Variants in NALF1 observed in about 807,000 individuals in gnomAD.
NALF1 encodes the protein family with sequence similarity 155 member A.
In NALF1, 3 loss-of-function variants were observed where a neutral mutation model predicts 48.4. The observed-to-expected ratio is 0.06, with a 90% CI of 0.03 to 0.16. The LOEUF (loss-of-function observed/expected upper bound fraction) is 0.16, where lower values mean the gene tolerates loss of function less well. Ranked by LOEUF, NALF1 falls within the 10% of genes least tolerant of loss-of-function variation. The probability of loss-of-function intolerance (pLI) is 1.00; values close to 1 mark genes in which losing one functional copy is unlikely to be tolerated. For missense variants in NALF1, 526 were observed against 571.5 expected (o/e 0.92, Z 0.81); for synonymous variants, 262 against 245.7 (o/e 1.07, Z -0.62).
intron 1 of NALF1, among the ~76,000 whole-genome samples, chr13:107,756,169 AT>A (rs1877087612): frequency 2.0e-5 from 3 of 152,210 alleles, no homozygotes; most frequent in Non-Finnish European, 4.4e-5. Flanking sequence ...ATACTAAATT[AT>A]TATTTCTACA....
chr13:107,822,274 T>C (rs745702332), intron 1 of NALF1, among the ~76,000 whole-genome samples: 1 of 151,598 alleles, frequency 6.6e-6, no homozygotes, highest in Non-Finnish European at 1.5e-5. Flanking sequence ...AGCTACACCA[T>C]CCCTCCAACC....
chr13:107,255,335 C>G (rs779897467), intron 1 of NALF1, among the ~76,000 whole-genome samples: 1 of 152,156 alleles, frequency 6.6e-6, no homozygotes, highest in Non-Finnish European at 1.5e-5. Context: ...CTATTCATCT[C>G]TTTATGTTTT....
chr13:107,408,201 C>T (rs999144602), intron 1 of NALF1, among the ~76,000 whole-genome samples: 2 of 151,780 alleles, frequency 1.3e-5, no homozygotes, highest in African/African-American at 4.8e-5. Context: ...CTAGTATTTG[C>T]TAACGTAACA....
At chr13:107,486,846 G>A (rs1195819554) in intron 1 of NALF1, among the ~76,000 whole-genome samples, 1 of 151,984 alleles carries the variant, frequency 6.6e-6, no homozygotes, top group Non-Finnish European at 1.5e-5. Flanking sequence ...ATTCATGGAG[G>A]TAAACTTTTT....
At chr13:107,188,830 A>C (rs1362909006) in intron 2 of NALF1, among the ~76,000 whole-genome samples, 1 of 152,208 alleles carries the variant, frequency 6.6e-6, no homozygotes, top group African/African-American at 2.4e-5. Context: ...GAGTTATTAG[A>C]GGATGCTGCA....
chr13:107,819,678 G>A (rs1879297299), intron 1 of NALF1, among the ~76,000 whole-genome samples: 2 of 112,626 alleles, frequency 1.8e-5, no homozygotes, highest in South Asian at 5.9e-4. Flanking sequence ...GTCTCCAGCT[G>A]GAAATTCTCT....
chr13:107,786,219 C>T (rs1418860494), intron 1 of NALF1, among the ~76,000 whole-genome samples: 1 of 151,582 alleles, frequency 6.6e-6, no homozygotes, highest in Non-Finnish European at 1.5e-5. Flanking sequence ...GAGTTCGAGA[C>T]TGGTCTGACC....
chr13:107,559,065 T>G (rs1382839187), intron 1 of NALF1, among the ~76,000 whole-genome samples: 1 of 152,188 alleles, frequency 6.6e-6, no homozygotes, highest in Non-Finnish European at 1.5e-5. Context: ...GAGCTGATAC[T>G]TCATAACAGA....
At chr13:107,504,836 T>C (rs1450269293) in intron 1 of NALF1, among the ~76,000 whole-genome samples, 2 of 152,226 alleles carry the variant, frequency 1.3e-5, no homozygotes, top group African/African-American at 4.8e-5. Flanking sequence ...GTGAAGCTGC[T>C]GTGAGCCCTC....
At chr13:107,243,012 C>G (rs1454947849) in intron 1 of NALF1, among the ~76,000 whole-genome samples, 12 of 152,118 alleles carry the variant, frequency 7.9e-5, no homozygotes, top group Non-Finnish European at 4.4e-5. Flanking sequence ...TATTCTGGCC[C>G]CAGTGCGATT....
intron 1 of NALF1, among the ~76,000 whole-genome samples, chr13:107,597,800 A>C (rs1409334016): frequency 1.3e-5 from 2 of 152,176 alleles, no homozygotes; most frequent in Non-Finnish European, 2.9e-5. Context: ...AAAAAGAATA[A>C]AATAAAAAGT....
At chr13:107,649,648 TTGAACAG>T (rs1419741426) in intron 1 of NALF1, among the ~76,000 whole-genome samples, 1 of 152,192 alleles carries the variant, frequency 6.6e-6, no homozygotes, top group Non-Finnish European at 1.5e-5. Context: ...AAGTGGTAAG[TTGAACAG>T]TCACAGAAAA....
chr13:107,575,113 T>C (rs1878100151), intron 1 of NALF1, among the ~76,000 whole-genome samples: 1 of 151,996 alleles, frequency 6.6e-6, no homozygotes, highest in African/African-American at 2.4e-5. Context: ...CACCGTGAAA[T>C]TCCATTTTCC....
At chr13:107,432,545 G>A (rs1001087539) in intron 1 of NALF1, among the ~76,000 whole-genome samples, 11 of 152,132 alleles carry the variant, frequency 7.2e-5, no homozygotes, top group Non-Finnish European at 1.5e-5. Flanking sequence ...GCTTCCCCGG[G>A]TGATTGAAAT....
chr13:107,739,815 C>T (rs1306567102), intron 1 of NALF1, among the ~76,000 whole-genome samples: 1 of 152,134 alleles, frequency 6.6e-6, no homozygotes, highest in Admixed American at 6.6e-5. Context: ...CCTGTCGCAT[C>T]GGTGGCAGCA....
intron 1 of NALF1, among the ~76,000 whole-genome samples, chr13:107,846,238 T>C (rs561817324): frequency 6.6e-6 from 1 of 152,304 alleles, no homozygotes; most frequent in Non-Finnish European, 1.5e-5. Flanking sequence ...TGGCCCTGTG[T>C]CTTTTTTCTT....
At chr13:107,375,545 C>T (rs1443723860) in intron 1 of NALF1, among the ~76,000 whole-genome samples, 5 of 151,022 alleles carry the variant, frequency 3.3e-5, no homozygotes, top group African/African-American at 4.9e-5. Context: ...ACTGCTGCTC[C>T]GTGTAATAAT....
intron 1 of NALF1, among the ~76,000 whole-genome samples, chr13:107,575,056 A>G (rs4344596): frequency 1.3e-5 from 2 of 152,188 alleles, no homozygotes. Flanking sequence ...AACTATTTTC[A>G]CCGTACGAGG....
chr13:107,726,913 TTGTGTGTGTGTGTGTG>T (rs1171461096), intron 1 of NALF1, among the ~76,000 whole-genome samples: 34 of 126,482 alleles, frequency 2.7e-4, no homozygotes, highest in East Asian at 9.4e-4. Flanking sequence ...CGGCAAATTC[TTGTGTGTGTGTGTGTG>T]TGTGTGTGTG....
Sources: gnomAD v4.1 joint callset for allele counts (sites outside exome capture counted in the v4.1 genomes callset) on GRCh38, gnomAD v4.1.1 for gene constraint, MANE v1.5 for transcripts, NCBI Gene and HGNC (gene_info 2026-07-23, HGNC 2026-07-21) for gene names.